The following IFFO2 variants were observed in gnomAD, a reference collection of about 807,000 sequenced individuals.
IFFO2 encodes the protein intermediate filament family orphan 2.
A neutral mutation model predicts 53.5 loss-of-function variants in IFFO2; 19 were observed. The ratio of observed to expected loss-of-function variants is 0.36; its 90% CI spans 0.25 to 0.52. The LOEUF (loss-of-function observed/expected upper bound fraction) is 0.52. Among genes scored for constraint, IFFO2 ranks in the 20% least tolerant of loss-of-function variants. The pLI is 0.94. For missense variants in IFFO2, 570 were observed against 727.4 expected, an observed-to-expected ratio of 0.78 and a Z score of 2.49; for synonymous variants, 303 against 313.6, an observed-to-expected ratio of 0.97 and a Z score of 0.36.
At chr1:18,938,597 G>A (rs919569752) in intron 1 of IFFO2, among the ~76,000 whole-genome samples, 1 of 152,190 alleles carries the variant, frequency 6.6e-6, no homozygotes, top group Non-Finnish European at 1.5e-5. Flanking sequence ...GGGAAGCCCA[G>A]CTCTGCCTGT....
chr1:18,940,849 T>C (rs902222803), intron 1 of IFFO2, among the ~76,000 whole-genome samples: 1 of 152,178 alleles, frequency 6.6e-6, no homozygotes, highest in Non-Finnish European at 1.5e-5. Context: ...CTCAAAGCAG[T>C]GACCCAACTC....
Position 18,908,153 on chromosome 1 carries a change from GGCAGAAA to G in IFFO2, c.*401_*407del. The G allele has an allele frequency of 3.8e-5, 8 of 210,752 alleles. No homozygotes were observed. Among genetic ancestry groups the G allele is most frequent in the South Asian group, 1.5e-4 (2 of 13,380 alleles). 13.1% of individuals were successfully genotyped at this position (210,752 alleles called of 1,614,324 possible). ...AATCAGAGGAGCAGGTGGGACGGAC[GGCAGAAA>G]CCACATTACACCACGGCCGGTTGGC... On this transcript the variant is annotated 3_prime_UTR_variant, in exon 9 of 9. Transcript: ENST00000455833.
At chr1:18,945,066 A>G (rs1229974404) in intron 1 of IFFO2, among the ~76,000 whole-genome samples, 1 of 152,102 alleles carries the variant, frequency 6.6e-6, no homozygotes, top group African/African-American at 2.4e-5. Context: ...GCCCTTGTAC[A>G]CGCTGTCCTC....
At chr1:18,933,259 G>A (rs867832477) in intron 1 of IFFO2, among the ~76,000 whole-genome samples, 7 of 152,340 alleles carry the variant, frequency 4.6e-5, no homozygotes, top group Middle Eastern at 6.8e-3. Flanking sequence ...GGCAAGCAGG[G>A]ATGGAAGGGA....
rs2148196311 is a variant in IFFO2 at position 18,955,964 on chromosome 1, G to A, written c.369C>T (p.His123=). Residue 123 remains histidine, a synonymous_variant, in exon 1 of 9, where the codon CAC becomes CAT. Coordinates refer to ENST00000455833, the MANE Select transcript of IFFO2 (RefSeq NM_001136265.2). ...LLRPPAPGGG[H]GLSSGAAAGA... is the part of the protein sequence containing the mutation. ...CGGCCGCCGCGCCACTGCTGAGGCC[G>A]TGCCCGCCGCCGGGCGCCGGGGGCC... is the stretch of plus-strand genomic sequence containing the variant. 2.3e-6 allele frequency: 3 copies of A among 1,318,670 alleles called. No individual in the cohort carries two copies. Among genetic ancestry groups the A allele is most frequent in the Middle Eastern group, 2.6e-4 (1 of 3,802 alleles). The allele number at this position is 1,318,670 out of a possible 1,614,324, so 81.7% of individuals were successfully genotyped here. A position where few individuals can be genotyped will look rare whatever the true frequency, so the allele number is the denominator to read the frequency against.
chr1:18,915,459 T>G (rs1357025940), intron 5 of IFFO2, among the ~76,000 whole-genome samples: 1 of 152,068 alleles, frequency 6.6e-6, no homozygotes, highest in Non-Finnish European at 1.5e-5. Flanking sequence ...TATAGCAGCT[T>G]CTAAGAGCTG....
rs1416726169 is a variant in IFFO2 at position 18,904,930 on chromosome 1, C to T, written c.*3631G>A. 6.6e-6 allele frequency: 1 copy of T among 152,260 alleles called. No homozygotes were observed. The highest frequency in any genetic ancestry group is 1.5e-5 in the Non-Finnish European group (1 of 68,100). The allele number at this position is 152,260 out of a possible 1,614,324, so 9.4% of individuals were successfully genotyped here. A position where few individuals can be genotyped will look rare whatever the true frequency, so the allele number is the denominator to read the frequency against. On this transcript the variant is annotated 3_prime_UTR_variant, in exon 9 of 9. Coordinates refer to ENST00000455833, the MANE Select transcript of IFFO2 (RefSeq NM_001136265.2). The stretch of plus-strand genomic sequence containing the variant: ...TCCACTTCTGCTCCAGCTGCCTGAC[C>T]ACCTGGGACCCGCAAAGGCCCAGGC...
rs113700072 is a variant in IFFO2, at chr1:18,914,053, G to C, written c.1104-1970C>G. On this transcript the variant is annotated intron_variant, in intron 5 of 8. Transcript: ENST00000455833. ...TCACCGTGTTAGCCAGGATGGTCTC[G>C]ATCTCCTGACCTCGTGATCCGCCTG... Among the ~76,000 whole-genome samples the C allele has an allele frequency of 1.2e-3, 184 of 152,180 alleles. 1 individual carries two copies. Among genetic ancestry groups the C allele is most frequent in the Middle Eastern group, 6.8e-3 (2 of 294 alleles).
At chr1:18,954,900 G>C (rs760096835) in intron 1 of IFFO2, among the ~76,000 whole-genome samples, 1 of 152,198 alleles carries the variant, frequency 6.6e-6, no homozygotes, top group Non-Finnish European at 1.5e-5. Flanking sequence ...TTAAGGCTGA[G>C]TTTGTTAGGG....
At chr1:18,938,597 G>T (rs919569752) in intron 1 of IFFO2, among the ~76,000 whole-genome samples, 2 of 152,190 alleles carry the variant, frequency 1.3e-5, no homozygotes, top group Admixed American at 1.3e-4. Flanking sequence ...GGGAAGCCCA[G>T]CTCTGCCTGT....
At chr1:18,913,899 C>G (rs944538958) in intron 5 of IFFO2, among the ~76,000 whole-genome samples, 6 of 152,134 alleles carry the variant, frequency 3.9e-5, no homozygotes, top group Non-Finnish European at 8.8e-5. Context: ...GGTGCGATCT[C>G]GGCTCACTGC....
intron 8 of IFFO2, 117 bp downstream of exon 8, chr1:18,910,225 G>A (rs542115138): frequency 1.4e-4 from 159 of 1,171,184 alleles, no homozygotes; most frequent in African/African-American, 9.9e-4. Context: ...ACGGACGGAC[G>A]GACAGATGGA....
In IFFO2 at chr1:18,956,333, G is replaced by T; in HGVS notation, c.-1C>A. The T allele has an allele frequency of 3.1e-6, 1 of 320,140 alleles. No individual in the cohort carries two copies. The highest frequency in any genetic ancestry group is 4.9e-6 in the Non-Finnish European group (1 of 204,228). 19.8% of individuals were successfully genotyped at this position (320,140 alleles called of 1,614,324 possible). A position where few individuals can be genotyped will look rare whatever the true frequency, so the allele number is the denominator to read the frequency against. On this transcript the variant is annotated 5_prime_UTR_variant, in exon 1 of 9. Transcript: ENST00000455833. This position sits in a 1 kb window ranked among gnomAD's most constrained non-coding sequence, Gnocchi z 6.4. ...CCCCGAACAGCAGCGAGTTCACCATGCGCCGGCTGCGCGGCTCAGGGCCCC... is the reference window on the plus strand; with the variant it reads ...CCCCGAACAGCAGCGAGTTCACCATTCGCCGGCTGCGCGGCTCAGGGCCCC...
Position 18,918,450 on chromosome 1 carries a change from A to C in IFFO2, c.875T>G (p.Met292Arg). Residue 292 changes from methionine (M) to arginine (R), a missense_variant, in exon 4 of 9, where the codon ATG becomes AGG. Coordinates refer to ENST00000455833, the MANE Select transcript of IFFO2 (RefSeq NM_001136265.2). The surrounding 1 kb of genome is among the most constrained non-coding windows in gnomAD (Gnocchi z 5.2). ...GATATCGATTCGGCGGCAGATGTCC[A>C]TGTCCACCTTCATGGCCTTTTCTTG... ...KIQEKAMKVDMDICRRIDITA... is the reference protein window; with the variant it reads ...KIQEKAMKVDRDICRRIDITA... 6.4e-7 allele frequency: 1 copy of C among 1,562,058 alleles called. No homozygotes were observed. The highest frequency in any genetic ancestry group is 8.7e-7 in the Non-Finnish European group (1 of 1,152,756).
chr1:18,930,244 C>G (rs1936356811), intron 1 of IFFO2, among the ~76,000 whole-genome samples: 1 of 152,208 alleles, frequency 6.6e-6, no homozygotes, highest in Non-Finnish European at 1.5e-5. Flanking sequence ...TGGTGTCATT[C>G]TCATCCTCAC....
rs1309668236 is a variant in IFFO2, at chr1:18,911,404, C to T, written c.1297G>A (p.Glu433Lys). 6.6e-7 allele frequency: 1 copy of T among 1,521,118 alleles called. No homozygotes were observed. The highest frequency in any genetic ancestry group is 8.8e-7 in the Non-Finnish European group (1 of 1,133,816). 94.2% of individuals were successfully genotyped at this position (1,521,118 alleles called of 1,614,324 possible). A position where few individuals can be genotyped will look rare whatever the true frequency, so the allele number is the denominator to read the frequency against. The change falls in exon 7 of 9, where the codon GAA becomes AAA. Residue 433 changes from glutamate (E) to lysine (K), a missense_variant. Physicochemically the swap from Glu to Lys is moderately conservative, Grantham distance 56. Transcript: ENST00000455833. Reference sequence around the variant, plus strand: ...CTCACCTCGATCTGACCTATCGTTTCCTGGTACTCCTTGTCTCTCGTCTTG... The same window carrying T: ...CTCACCTCGATCTGACCTATCGTTTTCTGGTACTCCTTGTCTCTCGTCTTG... ...FFKTRDKEYQ[E>K]TIGQIELELA...
At chr1:18,943,219 T>A (rs964818530) in intron 1 of IFFO2, among the ~76,000 whole-genome samples, 5 of 151,918 alleles carry the variant, frequency 3.3e-5, no homozygotes, top group African/African-American at 9.7e-5. Flanking sequence ...ATTATTTTTT[T>A]TAAAAAAAAA....
intron 7 of IFFO2, 32 bp from the exon 8 acceptor site, chr1:18,910,504 G>A (rs766095421): frequency 6.3e-7 from 1 of 1,592,450 alleles, no homozygotes; most frequent in Admixed American, 1.8e-5. Context: ...TAAGGGTGAG[G>A]GCAAGTCATC....
At chr1:18,938,847 TCTC>T (rs1418412592) in intron 1 of IFFO2, among the ~76,000 whole-genome samples, 1 of 152,084 alleles carries the variant, frequency 6.6e-6, no homozygotes, top group Non-Finnish European at 1.5e-5. Context: ...CAGTAGGCAG[TCTC>T]CTCCTGGTGA....
Sources: allele counts gnomAD v4.1 joint callset (sites outside exome capture counted in the v4.1 genomes callset), GRCh38; gene constraint gnomAD v4.1.1; non-coding constraint Gnocchi (gnomAD v3.1); transcripts MANE v1.5; gene names NCBI Gene and HGNC (gene_info 2026-07-23, HGNC 2026-07-21).